Variants in RAB27A observed in about 807,000 individuals in gnomAD.
The protein encoded by RAB27A is ras-related protein Rab-27A.
RAB27A carries 17 observed loss-of-function variants against 20.8 expected under a neutral mutation model. The ratio of observed to expected loss-of-function variants is 0.82; its 90% CI spans 0.56 to 1.23. The LOEUF is 1.23. RAB27A is among the 50% of genes most tolerant of loss of function. The probability of loss-of-function intolerance (pLI) is 0.00; values close to 1 mark genes in which losing one functional copy is unlikely to be tolerated. For synonymous variants in RAB27A, 85 were observed against 92.8 expected (o/e 0.92, Z 0.48); for missense variants, 277 against 266.7 (o/e 1.04, Z -0.27).
intron 6 of RAB27A, among the ~76,000 whole-genome samples, chr15:55,209,993 CATAT>C (rs138705222): frequency 3.1e-5 from 4 of 128,838 alleles, no homozygotes; most frequent in African/African-American, 8.9e-5. Flanking sequence ...CATATATACG[CATAT>C]ATGTGTGTAC....
chr15:55,289,218 C>T (rs1360989407), intron 1 of RAB27A: 1 of 152,396 alleles, frequency 6.6e-6, no homozygotes, highest in Non-Finnish European at 1.5e-5. Flanking sequence ...CCACCAGTCC[C>T]GACCGGAGGG....
chr15:55,253,235 G>A (rs1595718817), intron 2 of RAB27A, among the ~76,000 whole-genome samples: 1 of 151,878 alleles, frequency 6.6e-6, no homozygotes, highest in East Asian at 1.9e-4. Flanking sequence ...ATCACCTGAG[G>A]TCAGGTATTC....
chr15:55,266,866 G>C (rs982277047), intron 2 of RAB27A, among the ~76,000 whole-genome samples: 6 of 152,218 alleles, frequency 3.9e-5, no homozygotes, highest in African/African-American at 1.4e-4. Flanking sequence ...CATCAAGGGA[G>C]TTGTGTTTAA....
At chr15:55,292,241 C>T (rs568801649), upstream of RAB27A, among the ~76,000 whole-genome samples, 3 of 152,278 alleles carry the variant, frequency 2.0e-5, no homozygotes, top group South Asian at 6.2e-4. Flanking sequence ...ACTACATCAC[C>T]TCATACGTGT....
chr15:55,306,009 TAAG>T (rs2054995246), intron 2 of RAB27A, among the ~76,000 whole-genome samples: 2 of 151,490 alleles, frequency 1.3e-5, no homozygotes, highest in African/African-American at 4.9e-5. Flanking sequence ...TGGGGGGCAC[TAAG>T]AATGACAGGA....
intron 1 of RAB27A, among the ~76,000 whole-genome samples, chr15:55,280,293 G>A (rs1897981231): frequency 6.6e-6 from 1 of 151,988 alleles, no homozygotes; most frequent in African/African-American, 2.4e-5. Flanking sequence ...GACTCTGCAT[G>A]AGACATATGA....
At chr15:55,243,267 A>T (rs1437877028) in intron 2 of RAB27A, among the ~76,000 whole-genome samples, 1 of 152,220 alleles carries the variant, frequency 6.6e-6, no homozygotes, top group African/African-American at 2.4e-5. Context: ...ATGGTTTCAA[A>T]ATGAAAAGCA....
chr15:55,210,030 A>ATG (rs552104748), intron 6 of RAB27A, among the ~76,000 whole-genome samples: 11 of 142,704 alleles, frequency 7.7e-5, no homozygotes, highest in East Asian at 2.1e-4. Flanking sequence ...ACGCATATAT[A>ATG]TGTGTGTGTA....
chr15:55,279,161 G>C (rs1897951193), intron 1 of RAB27A, among the ~76,000 whole-genome samples: 1 of 152,180 alleles, frequency 6.6e-6, no homozygotes, highest in Non-Finnish European at 1.5e-5. Context: ...GAGCCAGGCA[G>C]ATAAGACTCT....
intron 2 of RAB27A, among the ~76,000 whole-genome samples, chr15:55,249,364 T>TC (rs1167518769): frequency 1.3e-5 from 2 of 152,066 alleles, no homozygotes; most frequent in African/African-American, 4.8e-5. Flanking sequence ...AGCCTTGACC[T>TC]CCCCAGCTTA....
upstream of RAB27A, chr15:55,290,110 C>G (rs1211013213): frequency 6.6e-6 from 1 of 152,334 alleles, no homozygotes; most frequent in Non-Finnish European, 1.5e-5. Flanking sequence ...ACAAACTGCA[C>G]CAAGGACCGG....
intron 2 of RAB27A, among the ~76,000 whole-genome samples, chr15:55,251,491 T>C (rs1595716897): frequency 6.6e-6 from 1 of 152,266 alleles, no homozygotes; most frequent in South Asian, 2.1e-4. Context: ...TGTAACCAGC[T>C]ACATTGGTGA....
At chr15:55,245,768 G>A (rs1896661569) in intron 2 of RAB27A, among the ~76,000 whole-genome samples, 1 of 152,168 alleles carries the variant, frequency 6.6e-6, no homozygotes, top group African/African-American at 2.4e-5. Flanking sequence ...ACTATAGCAA[G>A]TTCTTCAGAC....
At chr15:55,254,722 A>T (rs912612804) in intron 2 of RAB27A, among the ~76,000 whole-genome samples, 8 of 152,204 alleles carry the variant, frequency 5.3e-5, no homozygotes, top group African/African-American at 1.9e-4. Context: ...ACTATTAAGA[A>T]ATTGGACATT....
intron 2 of RAB27A, among the ~76,000 whole-genome samples, chr15:55,250,451 C>G (rs539747533): frequency 2.0e-5 from 3 of 152,154 alleles, no homozygotes; most frequent in Non-Finnish European, 4.4e-5. Context: ...GTACTTTGCA[C>G]TAGACTTCTC....
At chr15:55,210,068 GTACATA>G (rs1363422501) in intron 6 of RAB27A, among the ~76,000 whole-genome samples, 12 of 132,886 alleles carry the variant, frequency 9.0e-5, no homozygotes, top group African/African-American at 2.5e-4. Context: ...ATATGTGTGT[GTACATA>G]TACATATATA....
intron 6 of RAB27A, among the ~76,000 whole-genome samples, chr15:55,219,289 T>C (rs2140944288): frequency 6.6e-6 from 1 of 152,268 alleles, no homozygotes; most frequent in African/African-American, 2.4e-5. Context: ...AAAATCTTCC[T>C]CTCTTTAGCA....
At chr15:55,215,518 A>G (rs368643337) in intron 6 of RAB27A, among the ~76,000 whole-genome samples, 3 of 150,098 alleles carry the variant, frequency 2.0e-5, no homozygotes, top group African/African-American at 4.9e-5. Flanking sequence ...CGGGCGTGGT[A>G]GCGGGCGCCT....
At chr15:55,276,445 C>T (rs1897876996) in intron 1 of RAB27A, among the ~76,000 whole-genome samples, 1 of 152,152 alleles carries the variant, frequency 6.6e-6, no homozygotes, top group Non-Finnish European at 1.5e-5. Context: ...GTGGCCACTC[C>T]TGTAGCCCCA....
Sources: gnomAD v4.1 joint callset for allele counts (sites outside exome capture counted in the v4.1 genomes callset) on GRCh38, gnomAD v4.1.1 for gene constraint, MANE v1.5 for transcripts, NCBI Gene and HGNC (gene_info 2026-07-23, HGNC 2026-07-21) for gene names.